Variants in SAFB2 observed in about 807,000 individuals in gnomAD.
SAFB2 encodes the protein scaffold attachment factor B2.
A neutral mutation model predicts 100.6 loss-of-function variants in SAFB2; 32 were observed. The observed-to-expected ratio is 0.32, with a 90% CI of 0.24 to 0.43. SAFB2 has a LOEUF of 0.43. SAFB2 is among the 20% of genes least tolerant of loss of function. The probability of loss-of-function intolerance (pLI) is 1.00; values close to 1 mark genes in which losing one functional copy is unlikely to be tolerated. For missense variants in SAFB2, 1,185 were observed against 1,163.4 expected, an observed-to-expected ratio of 1.02 and a Z score of -0.27; for synonymous variants, 500 against 439.4, an observed-to-expected ratio of 1.14 and a Z score of -1.72.
chr19:5,608,146 G>T (rs1420652624), intron 9 of SAFB2, among the ~76,000 whole-genome samples: 11 of 152,172 alleles, frequency 7.2e-5, no homozygotes, highest in Admixed American at 7.2e-4. Context: ...ACGTCCTTCT[G>T]TTTTTGTCCA....
In SAFB2 at chr19:5,622,753, A is replaced by G. The variant is rs1288767813; in HGVS notation, c.-38T>C. ...GTCTTCGCCACCGACTCAGTCGCAC[A>G]CCGCCGGCAGCTATAGCGGCTCTGA... On this transcript the variant is annotated 5_prime_UTR_variant, in exon 1 of 21. Coordinates refer to ENST00000252542, the MANE Select transcript of SAFB2 (RefSeq NM_014649.3). 4 of 1,567,718 alleles carry G rather than the reference A, an allele frequency of 2.6e-6. No homozygotes were observed. Among genetic ancestry groups the G allele is most frequent in the South Asian group, 2.3e-5 (2 of 87,230 alleles).
At chr19:5,603,913 G>T (rs1241561165) in intron 11 of SAFB2, among the ~76,000 whole-genome samples, 1 of 152,202 alleles carries the variant, frequency 6.6e-6, no homozygotes, top group Admixed American at 6.5e-5. Flanking sequence ...TAATAAGTGA[G>T]AACTGCATGA....
intron 13 of SAFB2, among the ~76,000 whole-genome samples, chr19:5,596,132 G>A (rs1211951040): frequency 3.3e-5 from 5 of 152,198 alleles, no homozygotes; most frequent in African/African-American, 9.6e-5. Flanking sequence ...GCGTGGTGGC[G>A]CATGCCTGTA....
intron 12 of SAFB2, 111 bp from the exon 13 acceptor site, chr19:5,598,995 G>A (rs971191741): frequency 3.4e-6 from 3 of 894,906 alleles, no homozygotes; most frequent in African/African-American, 3.3e-5. Flanking sequence ...CGTGAGTCAA[G>A]TGACTGACAC....
intron 4 of SAFB2, 30 bp from the exon 5 acceptor site, chr19:5,613,557 G>A (rs769007534): frequency 6.2e-7 from 1 of 1,608,238 alleles, no homozygotes; most frequent in African/African-American, 1.3e-5. Context: ...ATGACTTCGT[G>A]GAGGCTGGAG....
intron 13 of SAFB2, among the ~76,000 whole-genome samples, chr19:5,596,316 T>A (rs1211796865): frequency 1.3e-5 from 2 of 152,144 alleles, no homozygotes; most frequent in East Asian, 3.9e-4. Flanking sequence ...GTGCTCCTAA[T>A]AAGGTACAGA....
Position 5,595,499 on chromosome 19 carries a change from T to TG in SAFB2, c.1783-3dup. ...CTTGCGATCCTGACTCTTGGAGCTC[T>TG]GTTTACCAAAACTGGTTTATTAATG... is the stretch of plus-strand genomic sequence containing the variant. On this transcript the variant is annotated splice_region_variant and splice_polypyrimidine_tract_variant and intron_variant, in intron 13 of 20. Transcript: ENST00000252542. The TG allele has an allele frequency of 1.2e-6, 2 of 1,613,126 alleles. No homozygotes were observed. Among genetic ancestry groups the TG allele is most frequent in the Non-Finnish European group, 1.7e-6 (2 of 1,179,956 alleles).
At chr19:5,601,965 A>G (rs2052668152) in intron 11 of SAFB2, among the ~76,000 whole-genome samples, 1 of 152,212 alleles carries the variant, frequency 6.6e-6, no homozygotes, top group South Asian at 2.1e-4. Flanking sequence ...TAACAACTGT[A>G]TAAAAACCAC....
rs747491405 is a variant in SAFB2 at position 5,621,283 on chromosome 19, A to T, written c.274+26T>A. ...TTTCTCTAAATTCTCTGAACACTCA[A>T]GCCCCAAGCAGCATATGTACAATAC... On this transcript the variant is annotated intron_variant, in intron 2 of 20. Transcript: ENST00000252542. The T allele has an allele frequency of 5.5e-6, 8 of 1,465,506 alleles. No homozygotes were observed. In the South Asian group the frequency reaches 8.0e-5, roughly 15 times the overall value. 90.8% of individuals were successfully genotyped at this position (1,465,506 alleles called of 1,614,324 possible). A position where few individuals can be genotyped will look rare whatever the true frequency, so the allele number is the denominator to read the frequency against.
Position 5,592,810 on chromosome 19 carries a change from T to C in SAFB2, c.2285A>G (p.Asp762Gly), listed in dbSNP as rs1301789993. The C allele has an allele frequency of 1.1e-5, 18 of 1,614,072 alleles. No homozygotes were observed. The highest frequency in any genetic ancestry group is 1.4e-5 in the Non-Finnish European group (16 of 1,180,038). The change falls in exon 16 of 21, where the codon GAC becomes GGC. Residue 762 changes from aspartate to glycine, a missense_variant. Physicochemically the swap from Asp to Gly is moderately conservative, Grantham distance 94 (BLOSUM62 -1). Transcript: ENST00000252542. ...DRYRADFPRP[D>G]HRFHDFDHRD... is the part of the protein sequence containing the mutation. ...ATGATCGAAGTCGTGAAAGCGGTGG[T>C]CTGGCCGGGGAAAGTCTGCACGATA... is the stretch of plus-strand genomic sequence containing the variant.
intron 9 of SAFB2, among the ~76,000 whole-genome samples, chr19:5,608,479 G>A (rs1174078412): frequency 2.0e-5 from 3 of 152,194 alleles, no homozygotes; most frequent in East Asian, 3.8e-4. Flanking sequence ...AATTTCCTAA[G>A]CCCTTGCTGA....
Position 5,587,229 on chromosome 19 carries a change from G to C in SAFB2, c.*14C>G, listed in dbSNP as rs73920021. 1.2e-6 allele frequency: 2 copies of C among 1,609,030 alleles called. No homozygotes were observed. The highest frequency in any genetic ancestry group is 1.7e-6 in the Non-Finnish European group (2 of 1,176,534). On this transcript the variant is annotated 3_prime_UTR_variant, in exon 21 of 21. Coordinates refer to ENST00000252542, the MANE Select transcript of SAFB2 (RefSeq NM_014649.3). This position sits in a 1 kb window ranked among gnomAD's most constrained non-coding sequence, Gnocchi z 4.9. ...AGTGCGTCTGCCCACCCGAAAACTC[G>C]CAGCGAGTGGGACTTAGTAGCGGCG...
intron 18 of SAFB2, among the ~76,000 whole-genome samples, chr19:5,589,354 C>T (rs962595552): frequency 1.3e-5 from 2 of 152,142 alleles, no homozygotes; most frequent in African/African-American, 2.4e-5. Flanking sequence ...GGAGAAGCTT[C>T]GGGTGTCCTG....
chr19:5,610,323 T>C, intron 8 of SAFB2: 1 of 592,682 alleles, frequency 1.7e-6, no homozygotes, highest in Non-Finnish European at 3.0e-6. Flanking sequence ...AGTTATGAAC[T>C]GAAATGTCTT....
rs201943640 is a variant in SAFB2 at position 5,613,541 on chromosome 19, T to C, written c.544-14A>G. The C allele has an allele frequency of 1.8e-3, 2,898 of 1,613,044 alleles. 4 individuals are homozygous for C. The highest frequency in any genetic ancestry group is 2.2e-3 in the Non-Finnish European group (2,591 of 1,179,358). On this transcript the variant is annotated splice_polypyrimidine_tract_variant and intron_variant, in intron 4 of 20. Transcript: ENST00000252542. The stretch of plus-strand genomic sequence containing the variant: ...TTCCCCATCCACCTGAAAAACAAAA[T>C]GGAAGATGACTTCGTGGAGGCTGGA...
chr19:5,610,192 G>A (rs372406053), intron 8 of SAFB2, 97 bp from the exon 9 acceptor site: 20 of 921,790 alleles, frequency 2.2e-5, no homozygotes, highest in African/African-American at 6.6e-5. Context: ...CCCTAACGAC[G>A]CCCAATCCCA....
Position 5,610,906 on chromosome 19 carries a change from C to G in SAFB2, c.1145+214G>C, listed in dbSNP as rs191752801. On this transcript the variant is annotated intron_variant, in intron 7 of 20. Coordinates refer to ENST00000252542, the MANE Select transcript of SAFB2 (RefSeq NM_014649.3). Reference sequence around the variant, plus strand: ...CGATTTAGCTGAAGATAACAATTAACAATTTAAGAACACAACCATGGTAGG... The same window carrying G: ...CGATTTAGCTGAAGATAACAATTAAGAATTTAAGAACACAACCATGGTAGG... 10 of 785,872 alleles carry G rather than the reference C, an allele frequency of 1.3e-5. No individual in the cohort carries two copies. In the Admixed American group the frequency reaches 1.7e-4, roughly 13 times the overall value. 48.7% of individuals were successfully genotyped at this position (785,872 alleles called of 1,614,324 possible). A position where few individuals can be genotyped will look rare whatever the true frequency, so the allele number is the denominator to read the frequency against.
At chr19:5,616,369 C>A in intron 3 of SAFB2, 34 bp from the exon 4 acceptor site, 1 of 1,614,082 alleles carries the variant, frequency 6.2e-7, no homozygotes, top group Non-Finnish European at 8.5e-7. Flanking sequence ...TAACGACCAC[C>A]TGGACCAGGA....
At chr19:5,599,282 T>G (rs1198687380) in intron 12 of SAFB2, among the ~76,000 whole-genome samples, 1 of 152,168 alleles carries the variant, frequency 6.6e-6, no homozygotes, top group Non-Finnish European at 1.5e-5. Context: ...GGAATCACAC[T>G]GCCACTCTGA....
Sources: gnomAD v4.1 joint callset for allele counts (sites outside exome capture counted in the v4.1 genomes callset) on GRCh38, gnomAD v4.1.1 for gene constraint, Gnocchi (gnomAD v3.1) non-coding constraint, MANE v1.5 for transcripts, NCBI Gene and HGNC (gene_info 2026-07-23, HGNC 2026-07-21) for gene names.